B3GNT4: variants seen among roughly 807,000 people sequenced by gnomAD.
B3GNT4 encodes the protein UDP-GlcNAc:betaGal beta-1,3-N-acetylglucosaminyltransferase 4.
B3GNT4 carries 2 observed loss-of-function variants against 2.7 expected under a neutral mutation model. The ratio of observed to expected loss-of-function variants is 0.73; its 90% CI spans 0.30 to 2.31. B3GNT4 has a LOEUF of 2.31. Among genes scored for constraint, B3GNT4 ranks in the 30% most tolerant of loss-of-function variants. The pLI is 0.12. For missense variants in B3GNT4, 708 were observed against 490.9 expected (o/e 1.44, Z -4.18); for synonymous variants, 280 against 203.4 (o/e 1.38, Z -3.20).
rs1953981037 is a variant in B3GNT4, at chr12:122,208,313, CT to C, written c.*926del. The C allele has an allele frequency of 1.2e-5, 19 of 1,566,558 alleles. No homozygotes were observed. Among genetic ancestry groups the C allele is most frequent in the Admixed American group, 1.7e-5 (1 of 59,910 alleles). ...CGGTGCACAGACAGTCATGCCAACC[CT>C]GGGCAGGGTGGCATCTGCCCCTGCT... is the stretch of plus-strand genomic sequence containing the variant. On this transcript the variant is annotated 3_prime_UTR_variant, in exon 3 of 3. Transcript: ENST00000324189.
chr12:122,204,470 G>A, intron 1 of B3GNT4, 52 bp from the exon 2 acceptor site: 1 of 717,708 alleles, frequency 1.4e-6, no homozygotes, highest in African/African-American at 1.7e-5. Context: ...CACCTGCTGT[G>A]CGCCCTTCTC....
chr12:122,208,660 G>T lies in B3GNT4; in HGVS notation c.*1272G>T. The T allele has an allele frequency of 7.0e-7, 1 of 1,420,504 alleles. No individual in the cohort carries two copies. 88.0% of individuals were successfully genotyped at this position (1,420,504 alleles called of 1,614,324 possible). A position where few individuals can be genotyped will look rare whatever the true frequency, so the allele number is the denominator to read the frequency against. ...TGGACGTTGGCCTGGGGGTGCTGTG[G>T]CTGTCATCTGAACCCCTCTTGGGGT... On this transcript the variant is annotated 3_prime_UTR_variant, in exon 3 of 3. Coordinates refer to ENST00000324189, the MANE Select transcript of B3GNT4 (RefSeq NM_030765.4).
Position 122,207,476 on chromosome 12 carries a change from T to C in B3GNT4, c.*88T>C, listed in dbSNP as rs1270326249. The C allele has an allele frequency of 1.5e-6, 2 of 1,294,702 alleles. No individual in the cohort carries two copies. The allele number at this position is 1,294,702 out of a possible 1,614,324, so 80.2% of individuals were successfully genotyped here. ...TTGATGCCTGCTGCTCTACAGAAAATGCCAACTTGGTTTTTTAACTCCTCT... is the reference window on the plus strand; with the variant it reads ...TTGATGCCTGCTGCTCTACAGAAAACGCCAACTTGGTTTTTTAACTCCTCT... On this transcript the variant is annotated 3_prime_UTR_variant, in exon 3 of 3. Transcript: ENST00000324189.
chr12:122,206,623 CAA>C lies in B3GNT4; in HGVS notation c.373_374del (p.Lys125ValfsTer24). 6.2e-7 allele frequency: 1 copy of C among 1,614,088 alleles called. No individual in the cohort carries two copies. Among genetic ancestry groups the C allele is most frequent in the Non-Finnish European group, 8.5e-7 (1 of 1,180,038 alleles). On this transcript the variant is annotated frameshift_variant, in exon 3 of 3. Transcript: ENST00000324189. LOFTEE classifies it low-confidence loss of function (END_TRUNC). ...AGGATACCTTCTTGCTCCTGGCCAT[CAA>C]GTCACAGCCTGGTCACGTGGAGCGA... ...SKDTFLLLAI[K>X]SQPGHVERRA...
chr12:122,204,757 A>T, intron 2 of B3GNT4, 73 bp downstream of exon 2: 1 of 1,363,064 alleles, frequency 7.3e-7, no homozygotes, highest in Non-Finnish European at 1.0e-6. Context: ...GGGGCTCAGA[A>T]AACTCTGGCC....
rs922360358 is a variant in B3GNT4, at chr12:122,207,908, C to T, written c.*520C>T. 11 of 460,722 alleles carry T rather than the reference C, an allele frequency of 2.4e-5. No homozygotes were observed. The highest frequency in any genetic ancestry group is 2.0e-4 in the African/African-American group (10 of 50,424). 28.5% of individuals were successfully genotyped at this position (460,722 alleles called of 1,614,324 possible). A position where few individuals can be genotyped will look rare whatever the true frequency, so the allele number is the denominator to read the frequency against. The stretch of plus-strand genomic sequence containing the variant: ...GACAGTGGGGGCAGATCAGAGAACA[C>T]ATCAGAAATACATACAAAGAAATCG... On this transcript the variant is annotated 3_prime_UTR_variant, in exon 3 of 3. Coordinates refer to ENST00000324189, the MANE Select transcript of B3GNT4 (RefSeq NM_030765.4).
rs375069899 is a variant in B3GNT4, at chr12:122,208,618, G to A, written c.*1230G>A. On this transcript the variant is annotated 3_prime_UTR_variant, in exon 3 of 3. Coordinates refer to ENST00000324189, the MANE Select transcript of B3GNT4 (RefSeq NM_030765.4). Reference sequence around the variant, plus strand: ...ACAATCGGGTTGAGCAGCCGTGCAGGGCGCGGAAGGCTCATGTGGACGTTG... The same window carrying A: ...ACAATCGGGTTGAGCAGCCGTGCAGAGCGCGGAAGGCTCATGTGGACGTTG... 1.9e-6 allele frequency: 3 copies of A among 1,595,268 alleles called. No individual in the cohort carries two copies. The highest frequency in any genetic ancestry group is 2.6e-6 in the Non-Finnish European group (3 of 1,173,856).
Position 122,204,649 on chromosome 12 carries a change from C to T in B3GNT4, c.31C>T (p.Gln11Ter), listed in dbSNP as rs1049444784. The T allele has an allele frequency of 6.2e-7, 1 of 1,612,040 alleles. No individual in the cohort carries two copies. Among genetic ancestry groups the T allele is most frequent in the Non-Finnish European group, 8.5e-7 (1 of 1,178,184 alleles). MLPPQPSAAH[Q>*]GRGGRSGLLP... ...TCCTCCCCAGCCTTCCGCAGCCCAC[C>T]AGGGAAGGGGCGGTAGGAGTGGCCT... The change falls in exon 2 of 3, where the codon CAG (glutamine) becomes TAG (stop). Residue 11 changes from glutamine to a stop codon, truncating the protein, a stop_gained. Transcript: ENST00000324189. LOFTEE classifies it low-confidence loss of function (END_TRUNC).
chr12:122,207,188 AGGC>A lies in B3GNT4; in HGVS notation c.941_943del (p.Arg314del), dbSNP rs753666719. On this transcript the variant is annotated inframe_deletion, in exon 3 of 3. Coordinates refer to ENST00000324189, the MANE Select transcript of B3GNT4 (RefSeq NM_030765.4). Reference sequence around the variant, plus strand: ...TGATGTCTTTGTGGGTATGTGCCTGAGGCGGCTGGGGCTGAGCCCTATGCACCA... The same window carrying A: ...TGATGTCTTTGTGGGTATGTGCCTGAGGCTGGGGCTGAGCCCTATGCACCA... 3.1e-6 allele frequency: 5 copies of A among 1,614,048 alleles called. No homozygotes were observed. The highest frequency in any genetic ancestry group is 1.7e-4 in the Middle Eastern group (1 of 6,058).
At chr12:122,205,046 T>G (rs1454132759) in intron 2 of B3GNT4, 1 of 220,334 alleles carries the variant, frequency 4.5e-6, no homozygotes, top group African/African-American at 2.3e-5. Flanking sequence ...AACAAAACCC[T>G]TAGCTCTTTC....
chr12:122,206,299 G>C lies in B3GNT4; in HGVS notation c.67-19G>C. 2 of 1,531,832 alleles carry C rather than the reference G, an allele frequency of 1.3e-6. No homozygotes were observed. The highest frequency in any genetic ancestry group is 1.8e-6 in the Non-Finnish European group (2 of 1,141,034). 94.9% of individuals were successfully genotyped at this position (1,531,832 alleles called of 1,614,324 possible). A position where few individuals can be genotyped will look rare whatever the true frequency, so the allele number is the denominator to read the frequency against. ...GGGACCCGGGGCTGGGCCCTGCTCA[G>C]GTGGCTCTCTCCTTGCAGGGACCGG... On this transcript the variant is annotated intron_variant, in intron 2 of 2. Transcript: ENST00000324189.
chr12:122,207,392 G>A lies in B3GNT4; in HGVS notation c.*4G>A. On this transcript the variant is annotated 3_prime_UTR_variant, in exon 3 of 3. Coordinates refer to ENST00000324189, the MANE Select transcript of B3GNT4 (RefSeq NM_030765.4). ...TGGCCCCATACCCCAGCGCTGAAGG[G>A]TGGGTTGGGCAACAGCCTGAGAGTG... 2 of 1,536,544 alleles carry A rather than the reference G, an allele frequency of 1.3e-6. No individual in the cohort carries two copies. The highest frequency in any genetic ancestry group is 1.7e-6 in the Non-Finnish European group (2 of 1,143,680).
In B3GNT4 at chr12:122,207,325, C is replaced by T; in HGVS notation, c.1074C>T (p.Thr358=). 6.2e-7 allele frequency: 1 copy of T among 1,609,756 alleles called. No homozygotes were observed. Among genetic ancestry groups the T allele is most frequent in the Non-Finnish European group, 8.5e-7 (1 of 1,177,486 alleles). Residue 358 remains threonine (T), a synonymous_variant, in exon 3 of 3, where the codon ACC becomes ACT. Transcript: ENST00000324189. ...VHRLSPLEMW[T]MWALVTDEGL... is the part of the protein sequence containing the mutation. ...GCCTCAGCCCCCTCGAGATGTGGAC[C>T]ATGTGGGCACTGGTGACAGATGAGG...
intron 1 of B3GNT4, among the ~76,000 whole-genome samples, 181 bp from the exon 2 acceptor site, chr12:122,204,341 G>A (rs1178349753): frequency 6.6e-6 from 1 of 151,810 alleles, no homozygotes; most frequent in Non-Finnish European, 1.5e-5. Flanking sequence ...GGGTCTCCGC[G>A]GCTCGGAGGG....
rs1953878741 is a variant in B3GNT4, at chr12:122,203,815, C to T, written c.-98+14C>T. ...CGTCACGCTCAGGTAGGTTGGGGGC[C>T]GGGACGCCGCTGCTGTGAGGGAGGC... On this transcript the variant is annotated intron_variant, in intron 1 of 2. Coordinates refer to ENST00000324189, the MANE Select transcript of B3GNT4 (RefSeq NM_030765.4). 6.0e-6 allele frequency: 1 copy of T among 167,608 alleles called. No homozygotes were observed. Among genetic ancestry groups the T allele is most frequent in the Non-Finnish European group, 1.3e-5 (1 of 78,170 alleles). The allele number at this position is 167,608 out of a possible 1,614,324, so 10.4% of individuals were successfully genotyped here.
At chr12:122,204,791 A>G (rs1953893702) in intron 2 of B3GNT4, 107 bp downstream of exon 2, 4 of 980,530 alleles carry the variant, frequency 4.1e-6, no homozygotes. Context: ...TGTAGTCCCA[A>G]CGCTTTGGGA....
In B3GNT4 at chr12:122,207,241, C is replaced by G; in HGVS notation, c.990C>G (p.Ile330Met). The change falls in exon 3 of 3, where the codon ATC (isoleucine) becomes ATG (methionine). Residue 330 changes from isoleucine (I) to methionine (M), a missense_variant. Transcript: ENST00000324189. ...MHHAGFKTFG[I>M]RRPLDPLDPC... ...ATGCTGGCTTCAAGACATTTGGAAT[C>G]CGGCGGCCCCTGGACCCCTTAGACC... 1.2e-6 allele frequency: 2 copies of G among 1,614,122 alleles called. No individual in the cohort carries two copies. Among genetic ancestry groups the G allele is most frequent in the Non-Finnish European group, 1.7e-6 (2 of 1,180,038 alleles).
rs1432381146 is a variant in B3GNT4 at position 122,207,478 on chromosome 12, C to T, written c.*90C>T. On this transcript the variant is annotated 3_prime_UTR_variant, in exon 3 of 3. Transcript: ENST00000324189. Reference sequence around the variant, plus strand: ...GATGCCTGCTGCTCTACAGAAAATGCCAACTTGGTTTTTTAACTCCTCTCA... The same window carrying T: ...GATGCCTGCTGCTCTACAGAAAATGTCAACTTGGTTTTTTAACTCCTCTCA... The T allele has an allele frequency of 1.2e-5, 15 of 1,278,628 alleles. No individual in the cohort carries two copies. The highest frequency in any genetic ancestry group is 1.6e-5 in the Non-Finnish European group (15 of 954,012). The allele number at this position is 1,278,628 out of a possible 1,614,324, so 79.2% of individuals were successfully genotyped here. A position where few individuals can be genotyped will look rare whatever the true frequency, so the allele number is the denominator to read the frequency against.
Position 122,207,306 on chromosome 12 carries a change from G to A in B3GNT4, c.1055G>A (p.Ser352Asn), listed in dbSNP as rs1416898814. ...GGGCTCCTGCTGGTTCACCGCCTCA[G>A]CCCCCTCGAGATGTGGACCATGTGG... ...YRGLLLVHRL[S>N]PLEMWTMWAL... Residue 352 changes from serine (S) to asparagine (N), a missense_variant, in exon 3 of 3, where the codon AGC becomes AAC. Coordinates refer to ENST00000324189, the MANE Select transcript of B3GNT4 (RefSeq NM_030765.4). The A allele has an allele frequency of 3.1e-6, 5 of 1,613,018 alleles. No homozygotes were observed. Among genetic ancestry groups the A allele is most frequent in the South Asian group, 1.1e-5 (1 of 90,934 alleles).
Sources: gnomAD v4.1 joint callset for allele counts (sites outside exome capture counted in the v4.1 genomes callset) on GRCh38, gnomAD v4.1.1 for gene constraint, MANE v1.5 for transcripts, NCBI Gene and HGNC (gene_info 2026-07-23, HGNC 2026-07-21) for gene names.